SUMF1: variants seen among roughly 807,000 people sequenced by gnomAD.
The protein encoded by SUMF1 is sulfatase modifying factor 1.
A neutral mutation model predicts 47.6 loss-of-function variants in SUMF1; 48 were observed. The ratio of observed to expected loss-of-function variants is 1.01; its 90% CI spans 0.80 to 1.28. SUMF1 has a LOEUF of 1.28. SUMF1 is among the 50% of genes most tolerant of loss of function. SUMF1 has a pLI of 0.00. For synonymous variants in SUMF1, 230 were observed against 192.1 expected, an observed-to-expected ratio of 1.20 and a Z score of -1.63; for missense variants, 571 against 485.4, an observed-to-expected ratio of 1.18 and a Z score of -1.66.
intron 9 of SUMF1, among the ~76,000 whole-genome samples, chr3:4,037,090 C>A (rs1694814456): frequency 6.6e-6 from 1 of 152,108 alleles, no homozygotes; most frequent in South Asian, 2.1e-4. Flanking sequence ...CCAAACTAGA[C>A]TACACCACAG....
chr3:4,273,345 A>G (rs1697340971), intron 8 of SUMF1, among the ~76,000 whole-genome samples: 2 of 152,164 alleles, frequency 1.3e-5, no homozygotes, highest in African/African-American at 4.8e-5. Flanking sequence ...TTGGCAATAA[A>G]AAGGAACAAA....
chr3:4,297,170 T>C (rs1226279583), intron 8 of SUMF1, among the ~76,000 whole-genome samples: 1 of 152,156 alleles, frequency 6.6e-6, no homozygotes, highest in East Asian at 1.9e-4. Context: ...GGGCCGAGGC[T>C]TTTTAGGAGA....
At chr3:4,202,364 C>T (rs1402808263) in intron 8 of SUMF1, among the ~76,000 whole-genome samples, 7 of 151,900 alleles carry the variant, frequency 4.6e-5, no homozygotes, top group Non-Finnish European at 1.0e-4. Context: ...AGAGACTGTC[C>T]TTCCCTCAGT....
At position 4,335,381 on chromosome 3, in the gene SUMF1, C is replaced by T. The variant is rs768955105; in HGVS notation, c.1014+40949G>A. ...ATAAGGAGAAGTGATAGCCAGCTGA[C>T]AATTAACTTTGACCTACAGCTACCA... On this transcript the variant is annotated intron_variant and NMD_transcript_variant, in intron 8 of 12. Transcript: ENST00000448413. Among the ~76,000 whole-genome samples, 3 of 152,182 alleles carry T rather than the reference C, an allele frequency of 2.0e-5. No individual in the cohort carries two copies. The South Asian group carries it at 6.2e-4, about 32-fold the overall frequency.
intron 8 of SUMF1, among the ~76,000 whole-genome samples, chr3:4,103,265 T>C (rs951301965): frequency 2.0e-5 from 3 of 151,908 alleles, no homozygotes; most frequent in East Asian, 1.9e-4. Context: ...AAAAAGATTA[T>C]GTTTCTCCTC....
At chr3:4,356,831 A>G (rs558540674), downstream of SUMF1, among the ~76,000 whole-genome samples, 34 of 152,364 alleles carry the variant, frequency 2.2e-4, 1 homozygote, top group African/African-American at 7.9e-4. Flanking sequence ...CAGGGCAGCC[A>G]TGGACGAGAA....
chr3:4,420,446 A>G (rs1389587035), intron 3 of SUMF1, among the ~76,000 whole-genome samples: 3 of 141,206 alleles, frequency 2.1e-5, no homozygotes, highest in Non-Finnish European at 4.5e-5. Flanking sequence ...CCCAGGCTGG[A>G]GTGCAGGGGT....
intron 8 of SUMF1, among the ~76,000 whole-genome samples, chr3:4,256,127 G>T (rs1301626448): frequency 2.2e-5 from 3 of 134,734 alleles, no homozygotes; most frequent in Non-Finnish European, 4.7e-5. Flanking sequence ...TGTGTAGAGG[G>T]AAATTTATAG....
chr3:4,402,505 A>G (rs1443443316), intron 7 of SUMF1, among the ~76,000 whole-genome samples: 1 of 152,238 alleles, frequency 6.6e-6, no homozygotes, highest in Non-Finnish European at 1.5e-5. Flanking sequence ...CCTGTATCCC[A>G]AGAGTAGATA....
chr3:4,407,340 G>A (rs1288859086), intron 7 of SUMF1, among the ~76,000 whole-genome samples: 2 of 152,200 alleles, frequency 1.3e-5, no homozygotes, highest in Non-Finnish European at 1.5e-5. Context: ...CAAGCTCTCT[G>A]AAGAAGCTTT....
chr3:4,107,678 T>G (rs1347467901), intron 8 of SUMF1, among the ~76,000 whole-genome samples: 2 of 152,048 alleles, frequency 1.3e-5, no homozygotes, highest in Non-Finnish European at 1.5e-5. Flanking sequence ...CAGGGCCTAG[T>G]GTGGCAACTC....
chr3:4,148,756 T>A (rs1443723424), intron 8 of SUMF1, among the ~76,000 whole-genome samples: 1 of 152,120 alleles, frequency 6.6e-6, no homozygotes, highest in Non-Finnish European at 1.5e-5. Flanking sequence ...GAACACAGTT[T>A]ACTAATCCTG....
At chr3:4,206,868 C>T (rs978971473) in intron 8 of SUMF1, among the ~76,000 whole-genome samples, 6 of 151,966 alleles carry the variant, frequency 3.9e-5, no homozygotes, top group Non-Finnish European at 8.8e-5. Context: ...AATTTAGGAA[C>T]TAGTTGTCAA....
chr3:4,159,395 A>C (rs1182798107), intron 8 of SUMF1, among the ~76,000 whole-genome samples: 2 of 149,266 alleles, frequency 1.3e-5, no homozygotes, highest in African/African-American at 5.2e-5. Flanking sequence ...CACTGATTGC[A>C]TAAACAAACT....
intron 8 of SUMF1, among the ~76,000 whole-genome samples, chr3:4,219,609 G>T (rs970424463): frequency 6.6e-6 from 1 of 152,060 alleles, no homozygotes; most frequent in African/African-American, 2.4e-5. Context: ...CTCACCCTCT[G>T]GCCTGCCATG....
chr3:4,242,411 T>C (rs887539060), intron 8 of SUMF1, among the ~76,000 whole-genome samples: 3 of 152,080 alleles, frequency 2.0e-5, no homozygotes, highest in African/African-American at 7.2e-5. Context: ...TGGCTGTGGG[T>C]TTGTCATAGA....
intron 8 of SUMF1, among the ~76,000 whole-genome samples, chr3:4,289,299 C>T (rs78386769): frequency 6.6e-6 from 1 of 152,116 alleles, no homozygotes; most frequent in Non-Finnish European, 1.5e-5. Flanking sequence ...AAAGCTGACT[C>T]CAAAATAAAT....
intron 9 of SUMF1, among the ~76,000 whole-genome samples, chr3:4,048,650 C>G (rs1270319794): frequency 6.6e-6 from 1 of 152,038 alleles, no homozygotes. Flanking sequence ...TAGGCCCTAA[C>G]TCCATGTACA....
At chr3:4,149,838 C>T (rs1694278224) in intron 8 of SUMF1, among the ~76,000 whole-genome samples, 1 of 152,062 alleles carries the variant, frequency 6.6e-6, no homozygotes, top group Non-Finnish European at 1.5e-5. Flanking sequence ...TAGGGGCCAA[C>T]GAAGTTCTGC....
Sources: allele counts gnomAD v4.1 joint callset (sites outside exome capture counted in the v4.1 genomes callset), GRCh38; gene constraint gnomAD v4.1.1; transcripts MANE v1.5; gene names NCBI Gene and HGNC (gene_info 2026-07-23, HGNC 2026-07-21).